The following BNC2 variants were observed in gnomAD, a reference collection of about 807,000 sequenced individuals.
The protein encoded by BNC2 is basonuclin zinc finger protein 2, also known as zinc finger protein basonuclin-2.
BNC2 carries 20 observed loss-of-function variants against 76.3 expected under a neutral mutation model. The observed-to-expected ratio is 0.26, with a 90% CI of 0.18 to 0.38. BNC2 has a LOEUF of 0.38. Ranked by LOEUF, BNC2 falls within the 10% of genes least tolerant of loss-of-function variation. The pLI is 1.00. For synonymous variants in BNC2, 582 were observed against 514.8 expected, an observed-to-expected ratio of 1.13 and a Z score of -1.77; for missense variants, 1,382 against 1,399.8, an observed-to-expected ratio of 0.99 and a Z score of 0.20.
At chr9:16,852,216 T>C (rs564179771) in intron 1 of BNC2, among the ~76,000 whole-genome samples, 7 of 152,288 alleles carry the variant, frequency 4.6e-5, no homozygotes, top group African/African-American at 1.2e-4. Flanking sequence ...CTTATATATA[T>C]ATCATGCACA....
chr9:16,588,063 CA>C (rs553777569), intron 3 of BNC2, among the ~76,000 whole-genome samples: 11 of 152,250 alleles, frequency 7.2e-5, no homozygotes, highest in African/African-American at 2.4e-4. Flanking sequence ...AACAGGTGCT[CA>C]AAAGGCACTT....
chr9:16,824,114 T>C (rs1462261817), intron 1 of BNC2, among the ~76,000 whole-genome samples: 2 of 152,196 alleles, frequency 1.3e-5, no homozygotes, highest in African/African-American at 2.4e-5. Context: ...ACTTCTGACA[T>C]GGTCCTTTGA....
At chr9:16,520,132 G>C (rs889610423) in intron 5 of BNC2, among the ~76,000 whole-genome samples, 34 of 152,312 alleles carry the variant, frequency 2.2e-4, no homozygotes, top group African/African-American at 7.9e-4. Flanking sequence ...ACGCACAGTA[G>C]TTCCAGGAGG....
chr9:16,450,935 C>A lies in BNC2; in HGVS notation c.670-13411G>T, dbSNP rs891809871. Among the ~76,000 whole-genome samples, 5 of 152,184 alleles carry A rather than the reference C, an allele frequency of 3.3e-5. No homozygotes were observed. In the South Asian group the frequency reaches 1.0e-3, roughly 32 times the overall value. On this transcript the variant is annotated intron_variant, in intron 5 of 6. Coordinates refer to ENST00000380672, the MANE Select transcript of BNC2 (RefSeq NM_017637.6). ...CTTTTAGTCTTTGCAGTTAAGGGGA[C>A]TGAGATGCCAGTTAAGACAGACATC...
At chr9:16,692,220 G>T (rs572771255) in intron 3 of BNC2, among the ~76,000 whole-genome samples, 12 of 152,224 alleles carry the variant, frequency 7.9e-5, no homozygotes, top group African/African-American at 2.9e-4. Context: ...TGTTGCTTAT[G>T]GGCAAATACA....
At chr9:16,609,010 T>C (rs559478203) in intron 3 of BNC2, among the ~76,000 whole-genome samples, 1 of 152,176 alleles carries the variant, frequency 6.6e-6, no homozygotes, top group Non-Finnish European at 1.5e-5. Context: ...GATCTTGGGA[T>C]TTTTCTGTGT....
rs561926060 is a variant in BNC2 at position 16,710,268 on chromosome 9, AAAAC to A, written c.330+17525_330+17528del. 1.5e-3 allele frequency among the ~76,000 whole-genome samples: 221 copies of A among 152,352 alleles called. 2 individuals carry two copies. Among genetic ancestry groups the A allele is most frequent in the African/African-American group, 4.9e-3 (204 of 41,578 alleles). On this transcript the variant is annotated intron_variant, in intron 3 of 6. Coordinates refer to ENST00000380672, the MANE Select transcript of BNC2 (RefSeq NM_017637.6). ...CACCTTACAGAGATACTCAAGACAG[AAAAC>A]AAACATTCTTTCAGTCTTATGCTTT...
intron 1 of BNC2, among the ~76,000 whole-genome samples, chr9:16,814,683 A>C (rs1818137977): frequency 6.6e-6 from 1 of 152,182 alleles, no homozygotes; most frequent in South Asian, 2.1e-4. Flanking sequence ...ATACTGTTCA[A>C]ACAACAAAAA....
chr9:16,579,456 T>C (rs1296653712), intron 4 of BNC2, among the ~76,000 whole-genome samples: 1 of 152,038 alleles, frequency 6.6e-6, no homozygotes, highest in Non-Finnish European at 1.5e-5. Context: ...CTAATTTTTG[T>C]ACTTTTTGTA....
At chr9:16,492,351 C>A (rs909268575) in intron 5 of BNC2, among the ~76,000 whole-genome samples, 5 of 152,162 alleles carry the variant, frequency 3.3e-5, no homozygotes, top group African/African-American at 1.2e-4. Context: ...ATGAGCACAA[C>A]CATCCATACT....
intron 1 of BNC2, among the ~76,000 whole-genome samples, chr9:16,786,167 A>G (rs1407713827): frequency 6.6e-6 from 1 of 152,240 alleles, no homozygotes; most frequent in Non-Finnish European, 1.5e-5. Flanking sequence ...TAAAATACAA[A>G]GAAAGTGTGC....
intron 3 of BNC2, among the ~76,000 whole-genome samples, chr9:16,676,453 A>C (rs1822646044): frequency 6.6e-6 from 1 of 152,242 alleles, no homozygotes; most frequent in African/African-American, 2.4e-5. Context: ...TTAGGAACAT[A>C]CATAAACATA....
intron 3 of BNC2, among the ~76,000 whole-genome samples, chr9:16,587,359 G>A (rs1166453830): frequency 2.0e-5 from 3 of 152,004 alleles, no homozygotes; most frequent in Non-Finnish European, 2.9e-5. Flanking sequence ...GACTACAGGC[G>A]TGCACCATCA....
At chr9:16,698,669 G>A in intron 3 of BNC2, among the ~76,000 whole-genome samples, 1 of 152,018 alleles carries the variant, frequency 6.6e-6, no homozygotes, top group Non-Finnish European at 1.5e-5. Context: ...ACTCCAGCCT[G>A]GGCAACAAGA....
chr9:16,829,439 G>A (rs1586917458), intron 1 of BNC2, among the ~76,000 whole-genome samples: 1 of 152,056 alleles, frequency 6.6e-6, no homozygotes, highest in Non-Finnish European at 1.5e-5. Flanking sequence ...TGTCTTTTTT[G>A]ATGGTGGTGG....
intron 5 of BNC2, among the ~76,000 whole-genome samples, chr9:16,459,596 T>C (rs550644736): frequency 6.9e-6 from 1 of 145,812 alleles, no homozygotes; most frequent in East Asian, 1.9e-4. Context: ...GGCAGGAGAA[T>C]GGGGACTCAG....
intron 1 of BNC2, among the ~76,000 whole-genome samples, chr9:16,813,033 A>T (rs922763353): frequency 2.0e-5 from 3 of 151,938 alleles, no homozygotes; most frequent in African/African-American, 7.2e-5. Context: ...ACATGGTGAA[A>T]CCCTGTCTCT....
At chr9:16,651,130 G>A (rs754375831) in intron 3 of BNC2, among the ~76,000 whole-genome samples, 1 of 152,092 alleles carries the variant, frequency 6.6e-6, no homozygotes, top group Non-Finnish European at 1.5e-5. Context: ...AAAAAAGAAG[G>A]CTTGAATACA....
At chr9:16,582,933 ACG>A in intron 4 of BNC2, 48 bp downstream of exon 4, 1 of 1,358,088 alleles carries the variant, frequency 7.4e-7, no homozygotes, top group Non-Finnish European at 1.1e-6. Context: ...ACACACACAC[ACG>A]AACATGAACA....
Sources: gnomAD v4.1 joint callset for allele counts (sites outside exome capture counted in the v4.1 genomes callset) on GRCh38, gnomAD v4.1.1 for gene constraint, MANE v1.5 for transcripts, NCBI Gene and HGNC (gene_info 2026-07-23, HGNC 2026-07-21) for gene names.